Variants in VXN observed in about 807,000 individuals in gnomAD.
The protein encoded by VXN is uncharacterized protein C8orf46.
A neutral mutation model predicts 23.1 loss-of-function variants in VXN; 7 were observed. The ratio of observed to expected loss-of-function variants is 0.30; its 90% CI spans 0.17 to 0.57. The LOEUF (loss-of-function observed/expected upper bound fraction) is 0.57, where lower values mean the gene tolerates loss of function less well. VXN is among the 20% of genes least tolerant of loss of function. The pLI, the probability that VXN is intolerant of heterozygous loss-of-function variation, is 0.91. For synonymous variants in VXN, 120 were observed against 105.8 expected, an observed-to-expected ratio of 1.13 and a Z score of -0.83; for missense variants, 238 against 272.6, an observed-to-expected ratio of 0.87 and a Z score of 0.89.
intron 4 of VXN, among the ~76,000 whole-genome samples, chr8:66,511,396 G>T (rs2130557114): frequency 6.6e-6 from 1 of 152,310 alleles, no homozygotes; most frequent in Middle Eastern, 3.4e-3. Context: ...AGATATGGGT[G>T]CTTCGCTCCT....
At chr8:66,497,465 T>C (rs191253915) in intron 2 of VXN, among the ~76,000 whole-genome samples, 3 of 152,354 alleles carry the variant, frequency 2.0e-5, no homozygotes, top group Admixed American at 1.3e-4. Context: ...GGCTTTCCTC[T>C]TTTTGTATTA....
At chr8:66,509,643 G>T (rs1807799551) in intron 3 of VXN, among the ~76,000 whole-genome samples, 1 of 152,196 alleles carries the variant, frequency 6.6e-6, no homozygotes, top group Admixed American at 6.5e-5. Context: ...GGAAGGAAGA[G>T]CTGAAGGCAC....
At chr8:66,502,616 AGGC>A (rs1563506543) in intron 2 of VXN, among the ~76,000 whole-genome samples, 1 of 152,034 alleles carries the variant, frequency 6.6e-6, no homozygotes, top group Non-Finnish European at 1.5e-5. Context: ...GCGTGGTGGC[AGGC>A]GCCTGTAGTC....
chr8:66,515,748 C>T (rs1807880038), intron 5 of VXN, 145 bp from the exon 6 acceptor site: 1 of 670,426 alleles, frequency 1.5e-6, no homozygotes, highest in Non-Finnish European at 2.4e-6. Flanking sequence ...TGTGAGGGTC[C>T]CAACAGTGAC....
chr8:66,516,826 C>T lies in VXN; in HGVS notation c.*750C>T, dbSNP rs1807902106. 1 of 152,184 alleles carries T rather than the reference C, an allele frequency of 6.6e-6. No homozygotes were observed. The highest frequency in any genetic ancestry group is 2.4e-5 in the African/African-American group (1 of 41,436). The allele number at this position is 152,184 out of a possible 1,614,324, so 9.4% of individuals were successfully genotyped here. A position where few individuals can be genotyped will look rare whatever the true frequency, so the allele number is the denominator to read the frequency against. The stretch of plus-strand genomic sequence containing the variant: ...CACAAAACCCCTGTGGAAGAAAGCA[C>T]AATTATTCCCAATCTGCAGAGGGGG... On this transcript the variant is annotated 3_prime_UTR_variant, in exon 6 of 6. Transcript: ENST00000305454.
intron 4 of VXN, among the ~76,000 whole-genome samples, chr8:66,510,595 A>T (rs1807810819): frequency 6.6e-6 from 1 of 152,320 alleles, no homozygotes; most frequent in South Asian, 2.1e-4. Context: ...AGGCTGCTGT[A>T]AGAAAATACC....
Position 66,518,072 on chromosome 8 carries a change from G to A in VXN, c.*1996G>A, listed in dbSNP as rs938051785. 3 of 152,242 alleles carry A rather than the reference G, an allele frequency of 2.0e-5. No individual in the cohort carries two copies. The highest frequency in any genetic ancestry group is 2.9e-5 in the Non-Finnish European group (2 of 68,046). 9.4% of individuals were successfully genotyped at this position (152,242 alleles called of 1,614,324 possible). The stretch of plus-strand genomic sequence containing the variant: ...GCATCAAGTGCTCTTTTAAGAAGGG[G>A]CTATCCCAGAGGACTGTTCAAAAGT... On this transcript the variant is annotated 3_prime_UTR_variant, in exon 6 of 6. Coordinates refer to ENST00000305454, the MANE Select transcript of VXN (RefSeq NM_152765.4).
chr8:66,496,581 T>C, intron 2 of VXN, 89 bp downstream of exon 2: 1 of 1,237,862 alleles, frequency 8.1e-7, no homozygotes, highest in Non-Finnish European at 1.2e-6. Flanking sequence ...TCCCCAGCTC[T>C]CAGTGGCCAG....
At position 66,516,106 on chromosome 8, in the gene VXN, G is replaced by T; in HGVS notation, c.*30G>T. 1 of 1,559,532 alleles carries T rather than the reference G, an allele frequency of 6.4e-7. No homozygotes were observed. On this transcript the variant is annotated 3_prime_UTR_variant, in exon 6 of 6. Coordinates refer to ENST00000305454, the MANE Select transcript of VXN (RefSeq NM_152765.4). ...GACCCTCTTCAAGTGCCCTGTGTTG[G>T]CCAAGGTTCCCCGGACAAGAGGAAA...
At chr8:66,498,167 CAAA>C (rs57990704) in intron 2 of VXN, among the ~76,000 whole-genome samples, 1 of 121,050 alleles carries the variant, frequency 8.3e-6, no homozygotes. Context: ...GACTCCGTCT[CAAA>C]AAAAAAAAAA....
chr8:66,513,584 C>T lies in VXN; in HGVS notation c.387C>T (p.Ala129=), dbSNP rs1365036859. 6.2e-7 allele frequency: 1 copy of T among 1,614,192 alleles called. No individual in the cohort carries two copies. Among genetic ancestry groups the T allele is most frequent in the East Asian group, 2.2e-5 (1 of 44,880 alleles). ...TCTCAGTGAAAACTTCAGCCTCTGC[C>T]TCATTGGAGGCGACAGCCATGGGCA... is the stretch of plus-strand genomic sequence containing the variant. ...PRISVKTSAS[A]SLEATAMGTE... The change falls in exon 5 of 6, where the codon GCC becomes GCT. Residue 129 remains alanine, a synonymous_variant. Transcript: ENST00000305454.
chr8:66,499,221 G>GT (rs759637693), intron 2 of VXN, among the ~76,000 whole-genome samples: 2,662 of 109,528 alleles, frequency 0.024, 13 homozygotes, highest in Non-Finnish European at 0.026. Flanking sequence ...TATTGGGTTG[G>GT]TTTTTTTTTT....
intron 5 of VXN, 37 bp from the exon 6 acceptor site, chr8:66,515,856 A>G (rs34089487): frequency 0.024 from 36,507 of 1,506,420 alleles, 1,734 homozygotes; most frequent in African/African-American, 0.16. Flanking sequence ...GCTTGTGAGC[A>G]GACCACCCTC....
chr8:66,502,467 G>A (rs537075267), intron 2 of VXN, among the ~76,000 whole-genome samples: 2 of 152,238 alleles, frequency 1.3e-5, no homozygotes, highest in East Asian at 1.9e-4. Context: ...TGCACAGAGC[G>A]CCGTGCACAG....
rs761756057 is a variant in VXN at position 66,515,996 on chromosome 8, A to C, written c.544A>C (p.Ile182Leu). 3 of 1,613,824 alleles carry C rather than the reference A, an allele frequency of 1.9e-6. No individual in the cohort carries two copies. The change falls in exon 6 of 6, where the codon ATC becomes CTC. Residue 182 changes from isoleucine to leucine, a missense_variant. Around this residue, in one of 2 missense-constraint regions of VXN, gnomAD observed 223 missense variants for 236.9 expected, o/e 0.94. Transcript: ENST00000305454. Reference sequence around the variant, plus strand: ...CAGTGCTTCCTGCGGCGTCCCCGGCATCCTCCGGAAAATGTGGACAAGGCA... The same window carrying C: ...CAGTGCTTCCTGCGGCGTCCCCGGCCTCCTCCGGAAAATGTGGACAAGGCA... Reference protein sequence around the residue: ...TGSASCGVPGILRKMWTRHKK... With the variant: ...TGSASCGVPGLLRKMWTRHKK...
intron 3 of VXN, among the ~76,000 whole-genome samples, chr8:66,507,599 G>T (rs532633860): frequency 1.3e-5 from 2 of 152,288 alleles, no homozygotes; most frequent in Admixed American, 6.5e-5. Flanking sequence ...AGCTTGGGCT[G>T]CCTGAGTCAG....
chr8:66,505,217 C>T (rs770947902), intron 2 of VXN, 158 bp from the exon 3 acceptor site: 2 of 1,019,292 alleles, frequency 2.0e-6, no homozygotes, highest in South Asian at 2.7e-5. Context: ...CGGTTTCCTG[C>T]CCAGATTTTG....
intron 2 of VXN, among the ~76,000 whole-genome samples, chr8:66,502,731 A>G (rs907927385): frequency 2.6e-5 from 4 of 152,152 alleles, no homozygotes; most frequent in African/African-American, 9.7e-5. Flanking sequence ...CCTGGGTGAC[A>G]GAGTGAGACT....
In VXN at chr8:66,500,697, G is replaced by C. The variant is rs371493798; in HGVS notation, c.126+4205G>C. 8.6e-5 allele frequency among the ~76,000 whole-genome samples: 13 copies of C among 151,852 alleles called. No homozygotes were observed. The East Asian group carries it at 1.7e-3, about 20-fold the overall frequency. The stretch of plus-strand genomic sequence containing the variant: ...CCCTCTTCCCTTCCTCCTCCTTTTC[G>C]GAGTTCCCAGTGTCTATTAGTCCCA... On this transcript the variant is annotated intron_variant, in intron 2 of 5. Transcript: ENST00000305454.
Sources: gnomAD v4.1 joint callset for allele counts (sites outside exome capture counted in the v4.1 genomes callset) on GRCh38, gnomAD v4.1.1 for gene constraint, gnomAD v4.1.1 regional missense constraint, MANE v1.5 for transcripts, NCBI Gene and HGNC (gene_info 2026-07-23, HGNC 2026-07-21) for gene names.